TENM4: variants seen among roughly 807,000 people sequenced by gnomAD.
TENM4 encodes the protein teneurin-4.
TENM4 carries 82 observed loss-of-function variants against 243.3 expected under a neutral mutation model. The observed-to-expected ratio is 0.34, with a 90% CI of 0.28 to 0.40. The LOEUF is 0.40. TENM4 is among the 10% of genes least tolerant of loss of function. The pLI is 1.00. For synonymous variants in TENM4, 1,412 were observed against 1,456.3 expected (o/e 0.97, Z 0.69); for missense variants, 3,138 against 3,673.3 (o/e 0.85, Z 3.77).
intron 1 of TENM4, among the ~76,000 whole-genome samples, chr11:79,424,633 CAA>C (rs58550229): frequency 1.5e-5 from 2 of 134,152 alleles, no homozygotes; most frequent in African/African-American, 2.7e-5. Flanking sequence ...ACCCTGTCTC[CAA>C]AAAAAAAAAA....
chr11:79,295,896 A>AAAAC (rs1555043606), intron 2 of TENM4, among the ~76,000 whole-genome samples: 5 of 130,912 alleles, frequency 3.8e-5, no homozygotes, highest in Admixed American at 1.5e-4. Flanking sequence ...CCAGGGATTA[A>AAAAC]ACACACACAC....
intron 27 of TENM4, among the ~76,000 whole-genome samples, chr11:78,707,768 C>G (rs1397809196): frequency 2.6e-5 from 4 of 152,140 alleles, no homozygotes; most frequent in African/African-American, 9.7e-5. Context: ...TGCTAGGAGT[C>G]GTGGATGCAT....
chr11:78,655,541 T>G lies in TENM4; in HGVS notation c.*2517A>C, dbSNP rs1792133. ...AAAAAAAAAGAAAGAAAGAAAAAAA[T>G]AAATGAAACACCCAATAATTCTGTT... is the stretch of plus-strand genomic sequence containing the variant. On this transcript the variant is annotated 3_prime_UTR_variant, in exon 34 of 34. Coordinates refer to ENST00000278550, the MANE Select transcript of TENM4 (RefSeq NM_001098816.3). 0.99 allele frequency: 150,644 copies of G among 152,136 alleles called. 74,615 individuals are homozygous for G. The highest frequency in any genetic ancestry group is 1 in the Middle Eastern group (296 of 296). 9.4% of individuals were successfully genotyped at this position (152,136 alleles called of 1,614,324 possible).
chr11:79,117,456 G>T (rs1405409739), intron 4 of TENM4, among the ~76,000 whole-genome samples: 1 of 152,200 alleles, frequency 6.6e-6, no homozygotes, highest in Non-Finnish European at 1.5e-5. Context: ...TTGCCTAATA[G>T]TAGCTGGGAC....
intron 18 of TENM4, among the ~76,000 whole-genome samples, chr11:78,767,576 T>G (rs1378182985): frequency 6.6e-6 from 1 of 152,210 alleles, no homozygotes; most frequent in Non-Finnish European, 1.5e-5. Flanking sequence ...ACCTCTCCTC[T>G]CTGGGCTCCA....
intron 1 of TENM4, among the ~76,000 whole-genome samples, chr11:79,387,196 C>T (rs1385824233): frequency 6.6e-6 from 1 of 152,078 alleles, no homozygotes; most frequent in East Asian, 1.9e-4. Context: ...ATAAAATGGG[C>T]CAACCAAATC....
In TENM4 at chr11:79,132,021, C is replaced by G. The variant is rs181074527; in HGVS notation, c.-66+16689G>C. On this transcript the variant is annotated intron_variant, in intron 4 of 33. Transcript: ENST00000278550. The stretch of plus-strand genomic sequence containing the variant: ...AACATATATGCACCTAGCACTGGGG[C>G]TCCCAAATTAAAACAATTACTAATA... Among the ~76,000 whole-genome samples, 503 of 152,120 alleles carry G rather than the reference C, an allele frequency of 3.3e-3. 3 individuals carry two copies. Among genetic ancestry groups the G allele is most frequent in the African/African-American group, 0.011 (471 of 41,496 alleles).
Position 78,747,008 on chromosome 11 carries a change from A to T in TENM4, c.2757-8438T>A, listed in dbSNP as rs191574268. 6.0e-4 allele frequency among the ~76,000 whole-genome samples: 92 copies of T among 152,298 alleles called. 1 individual carries two copies. Among genetic ancestry groups the T allele is most frequent in the African/African-American group, 2.1e-3 (88 of 41,580 alleles). ...AATGAACCATGATCAGACCCACTTCATGGGGAAGGGGCTGATGCCAGGCAG... is the reference window on the plus strand; with the variant it reads ...AATGAACCATGATCAGACCCACTTCTTGGGGAAGGGGCTGATGCCAGGCAG... On this transcript the variant is annotated intron_variant, in intron 19 of 33. Coordinates refer to ENST00000278550, the MANE Select transcript of TENM4 (RefSeq NM_001098816.3).
At chr11:79,004,508 C>G (rs140892320) in intron 6 of TENM4, among the ~76,000 whole-genome samples, 1 of 152,080 alleles carries the variant, frequency 6.6e-6, no homozygotes, top group Non-Finnish European at 1.5e-5. Context: ...AATTAAACAA[C>G]CTTTTGTGTA....
At chr11:78,713,394 A>T (rs1234219380) in intron 25 of TENM4, among the ~76,000 whole-genome samples, 1 of 152,242 alleles carries the variant, frequency 6.6e-6, no homozygotes, top group Non-Finnish European at 1.5e-5. Context: ...AGTGCTAATG[A>T]TGGTTCTGTT....
intron 6 of TENM4, among the ~76,000 whole-genome samples, chr11:78,973,860 C>T (rs1177118171): frequency 6.6e-6 from 1 of 151,806 alleles, no homozygotes; most frequent in Non-Finnish European, 1.5e-5. Context: ...GGGAAGCCCT[C>T]CCTGAGGAGG....
intron 6 of TENM4, among the ~76,000 whole-genome samples, chr11:79,044,675 G>C (rs1321283879): frequency 6.6e-6 from 1 of 152,202 alleles, no homozygotes; most frequent in Non-Finnish European, 1.5e-5. Flanking sequence ...CTTTGGATAA[G>C]TCTCCTGTTT....
At chr11:79,416,075 C>G (rs894786581) in intron 1 of TENM4, among the ~76,000 whole-genome samples, 4 of 152,158 alleles carry the variant, frequency 2.6e-5, no homozygotes, top group African/African-American at 9.7e-5. Context: ...AGAATTTATT[C>G]CTTTTTCACT....
chr11:79,089,909 C>G (rs1015631496), intron 4 of TENM4, among the ~76,000 whole-genome samples: 4 of 152,164 alleles, frequency 2.6e-5, no homozygotes, highest in African/African-American at 9.7e-5. Context: ...CATCACAGCA[C>G]TTCTTAAGGG....
chr11:78,718,328 T>C (rs543075446), intron 25 of TENM4, among the ~76,000 whole-genome samples: 22 of 152,318 alleles, frequency 1.4e-4, no homozygotes, highest in Non-Finnish European at 2.2e-4. Flanking sequence ...AGAAAGTTTT[T>C]AGTACCGAAG....
intron 1 of TENM4, among the ~76,000 whole-genome samples, chr11:79,375,407 T>C (rs551267642): frequency 1.3e-5 from 2 of 152,366 alleles, no homozygotes; most frequent in East Asian, 1.9e-4. Flanking sequence ...ACATGAATTT[T>C]ATAAACTTGA....
chr11:78,778,743 C>G, intron 16 of TENM4, 115 bp from the exon 17 acceptor site: 1 of 909,084 alleles, frequency 1.1e-6, no homozygotes, highest in Non-Finnish European at 1.7e-6. Flanking sequence ...ACGTTTGGGA[C>G]AGGCCTATGC....
chr11:79,065,750 G>C (rs1860228340), intron 5 of TENM4, among the ~76,000 whole-genome samples: 1 of 152,170 alleles, frequency 6.6e-6, no homozygotes, highest in Non-Finnish European at 1.5e-5. Flanking sequence ...CAGGTCTCTT[G>C]AGGGCTTGGG....
intron 12 of TENM4, among the ~76,000 whole-genome samples, chr11:78,841,288 T>G (rs893749039): frequency 2.0e-5 from 3 of 152,186 alleles, no homozygotes; most frequent in African/African-American, 4.8e-5. Context: ...TGGCTTCAAA[T>G]CCATTCTCTA....
Sources: allele counts gnomAD v4.1 joint callset (sites outside exome capture counted in the v4.1 genomes callset), GRCh38; gene constraint gnomAD v4.1.1; transcripts MANE v1.5; gene names NCBI Gene and HGNC (gene_info 2026-07-23, HGNC 2026-07-21).